The following MYL4 variants were observed in gnomAD, a reference collection of about 807,000 sequenced individuals.
The protein encoded by MYL4 is atrial myosin light chain 1.
MYL4 carries 16 observed loss-of-function variants against 21.6 expected under a neutral mutation model. The observed-to-expected ratio is 0.74, with a 90% CI of 0.50 to 1.12. The LOEUF is 1.12. MYL4 is among the 50% of genes most tolerant of loss of function. The pLI is 0.00. For missense variants in MYL4, 249 were observed against 252.9 expected, an observed-to-expected ratio of 0.98 and a Z score of 0.11; for synonymous variants, 82 against 95.7, an observed-to-expected ratio of 0.86 and a Z score of 0.83.
the MYL4 span, among the ~76,000 whole-genome samples, chr17:47,194,611 C>A: frequency 6.6e-6 from 1 of 152,108 alleles, no homozygotes; most frequent in Non-Finnish European, 1.5e-5. Flanking sequence ...ATCTTATCTA[C>A]CTCCAAAAAT....
intron 1 of MYL4, among the ~76,000 whole-genome samples, chr17:47,202,043 T>C (rs1304817427): frequency 6.6e-6 from 1 of 152,232 alleles, no homozygotes; most frequent in Non-Finnish European, 1.5e-5. Context: ...TGGAGTGCAG[T>C]GGCTCGATCT....
intron 4 of MYL4, 99 bp downstream of exon 4, chr17:47,221,954 G>A: frequency 7.5e-7 from 1 of 1,338,826 alleles, no homozygotes; most frequent in Non-Finnish European, 1.0e-6. Flanking sequence ...TGGTATACAA[G>A]GGTCTTTGCA....
chr17:47,212,060 A>G (rs900379114), intron 1 of MYL4, among the ~76,000 whole-genome samples: 1 of 152,146 alleles, frequency 6.6e-6, no homozygotes, highest in Non-Finnish European at 1.5e-5. Context: ...CCCTGTCTCT[A>G]CTAAAAATAC....
downstream of MYL4, among the ~76,000 whole-genome samples, chr17:47,225,947 A>T (rs2064884205): frequency 2.0e-5 from 3 of 146,878 alleles, no homozygotes; most frequent in Admixed American, 2.1e-4. Context: ...TGCATGTCTC[A>T]GGGGTTTGGT....
rs769405762 is a variant in MYL4, at chr17:47,221,856, G to A, written c.487+1G>A. On this transcript the variant is annotated splice_donor_variant, in intron 4 of 6. Coordinates refer to ENST00000393450, the MANE Select transcript of MYL4 (RefSeq NM_002476.2). LOFTEE classifies it high-confidence loss of function. ...CTTCGGCACGTCCTTGCCACCCTGG[G>A]TATGCCAGCTGGGCAGAGATGAAGA... is the stretch of plus-strand genomic sequence containing the variant. 6.8e-6 allele frequency: 11 copies of A among 1,611,974 alleles called. No homozygotes were observed. Among genetic ancestry groups the A allele is most frequent in the Admixed American group, 3.3e-5 (2 of 59,864 alleles).
intron 2 of MYL4, among the ~76,000 whole-genome samples, chr17:47,217,335 G>A (rs1414732648): frequency 6.6e-6 from 1 of 151,916 alleles, no homozygotes; most frequent in African/African-American, 2.4e-5. Flanking sequence ...GCACGCACCT[G>A]TAATCCCAGC....
At chr17:47,196,486 T>G (rs2064689485), upstream of MYL4, among the ~76,000 whole-genome samples, 1 of 152,260 alleles carries the variant, frequency 6.6e-6, no homozygotes, top group South Asian at 2.1e-4. Context: ...CTTATATTTC[T>G]GTATATTGTT....
chr17:47,219,679 C>A (rs2064840038), intron 2 of MYL4, among the ~76,000 whole-genome samples: 1 of 152,144 alleles, frequency 6.6e-6, no homozygotes, highest in Non-Finnish European at 1.5e-5. Context: ...AGATCCCAGT[C>A]CCAGCCCTGG....
At chr17:47,225,411 G>A (rs1484324187), downstream of MYL4, among the ~76,000 whole-genome samples, 8 of 152,116 alleles carry the variant, frequency 5.3e-5, no homozygotes, top group Non-Finnish European at 5.9e-5. Flanking sequence ...CCTTTTGTTC[G>A]AACTAAATTT....
At chr17:47,205,510 G>A (rs188340804), upstream of MYL4, among the ~76,000 whole-genome samples, 14 of 152,324 alleles carry the variant, frequency 9.2e-5, no homozygotes, top group South Asian at 1.7e-3. Context: ...CTAATGAAGC[G>A]TGGCGTCATG....
chr17:47,219,754 A>T, intron 2 of MYL4, 150 bp from the exon 3 acceptor site: 1 of 956,448 alleles, frequency 1.0e-6, no homozygotes, highest in South Asian at 1.6e-5. Flanking sequence ...GACGGGTTCG[A>T]GGGACGGCCT....
chr17:47,218,024 A>G (rs1165988490), intron 2 of MYL4, among the ~76,000 whole-genome samples: 1 of 151,022 alleles, frequency 6.6e-6, no homozygotes, highest in Non-Finnish European at 1.5e-5. Flanking sequence ...CTGGGCAACA[A>G]GAGTGAAACT....
At chr17:47,195,052 C>CTTT in the MYL4 span, among the ~76,000 whole-genome samples, 59 of 113,934 alleles carry the variant, frequency 5.2e-4, no homozygotes, top group African/African-American at 1.1e-3. Flanking sequence ...CTTCATGGAA[C>CTTT]TTTTTTTTTT....
downstream of MYL4, chr17:47,223,809 G>A (rs1018788053): frequency 6.6e-6 from 1 of 152,242 alleles, no homozygotes; most frequent in Non-Finnish European, 1.5e-5. Flanking sequence ...GAAATGAGTA[G>A]TATCTGGGAG....
At chr17:47,198,755 G>C (rs1227333856), upstream of MYL4, among the ~76,000 whole-genome samples, 1 of 152,056 alleles carries the variant, frequency 6.6e-6, no homozygotes, top group Non-Finnish European at 1.5e-5. Flanking sequence ...GGAAGTTCAG[G>C]AGGATCACTC....
chr17:47,193,054 C>G, the MYL4 span, among the ~76,000 whole-genome samples: 1 of 152,108 alleles, frequency 6.6e-6, no homozygotes, highest in Non-Finnish European at 1.5e-5. Context: ...TGAAACATAG[C>G]CCAGAGTAAG....
chr17:47,197,091 G>C (rs942209264), upstream of MYL4, among the ~76,000 whole-genome samples: 2 of 128,134 alleles, frequency 1.6e-5, no homozygotes, highest in Admixed American at 1.8e-4. Context: ...ATCCTTAAAG[G>C]GTTTTTTTTT....
intron 1 of MYL4, 65 bp downstream of exon 1, chr17:47,209,622 C>T: frequency 6.2e-7 from 1 of 1,612,362 alleles, no homozygotes; most frequent in Non-Finnish European, 8.5e-7. Context: ...TGCTCTGGAG[C>T]TTAGCGATCT....
At chr17:47,218,041 C>CAAAAAAAA (rs1200148257) in intron 2 of MYL4, among the ~76,000 whole-genome samples, 1 of 61,928 alleles carries the variant, frequency 1.6e-5, no homozygotes, top group African/African-American at 5.8e-5. Flanking sequence ...AACTCCATCT[C>CAAAAAAAA]AAAAAAAAAA....
Sources: gnomAD v4.1 joint callset for allele counts (sites outside exome capture counted in the v4.1 genomes callset) on GRCh38, gnomAD v4.1.1 for gene constraint, MANE v1.5 for transcripts, NCBI Gene and HGNC (gene_info 2026-07-23, HGNC 2026-07-21) for gene names.